Variants in FLT1 observed in about 807,000 individuals in gnomAD.
The protein encoded by FLT1 is fms related receptor tyrosine kinase 1.
A neutral mutation model predicts 156.3 loss-of-function variants in FLT1; 49 were observed. That is an observed-to-expected ratio of 0.31 (90% CI 0.25 to 0.40). The LOEUF (loss-of-function observed/expected upper bound fraction) is 0.40, where lower values mean the gene tolerates loss of function less well. Ranked by LOEUF, FLT1 falls within the 10% of genes least tolerant of loss-of-function variation. The pLI is 1.00. For missense variants in FLT1, 1,322 were observed against 1,637.2 expected (o/e 0.81, Z 3.32); for synonymous variants, 594 against 583.8 (o/e 1.02, Z -0.25).
intron 10 of FLT1, among the ~76,000 whole-genome samples, chr13:28,422,311 G>GT (rs1014719549): frequency 2.8e-4 from 19 of 66,748 alleles, no homozygotes; most frequent in Non-Finnish European, 4.4e-4. Flanking sequence ...TGTTACCTAA[G>GT]TTTTTTTCCC....
At chr13:28,359,027 A>G (rs1169270286) in intron 14 of FLT1, among the ~76,000 whole-genome samples, 1 of 152,236 alleles carries the variant, frequency 6.6e-6, no homozygotes, top group African/African-American at 2.4e-5. Context: ...AGGCCTGGCC[A>G]GACTATAGGC....
chr13:28,342,090 C>T (rs1359827900), intron 16 of FLT1, among the ~76,000 whole-genome samples: 1 of 152,092 alleles, frequency 6.6e-6, no homozygotes, highest in East Asian at 1.9e-4. Context: ...ACCATGTTGG[C>T]CAGGCTGGTC....
chr13:28,429,886 C>A (rs1340713088), intron 8 of FLT1, among the ~76,000 whole-genome samples, 164 bp downstream of exon 8: 1 of 152,182 alleles, frequency 6.6e-6, no homozygotes, highest in South Asian at 2.1e-4. Flanking sequence ...TTTCCCCAGC[C>A]CTTCTCACCT....
At chr13:28,467,724 T>A in intron 1 of FLT1, 107 bp from the exon 2 acceptor site, 1 of 642,772 alleles carries the variant, frequency 1.6e-6, no homozygotes, top group Non-Finnish European at 2.7e-6. Flanking sequence ...TATTTACATC[T>A]TTAATTTACT....
At chr13:28,482,030 ATCT>A (rs1264615617) in intron 1 of FLT1, among the ~76,000 whole-genome samples, 17 of 152,372 alleles carry the variant, frequency 1.1e-4, no homozygotes, top group South Asian at 2.1e-4. Flanking sequence ...TAAAATAAAA[ATCT>A]TCTACACATT....
In FLT1 at chr13:28,495,102, C is replaced by T. The variant is rs1166575454; in HGVS notation, c.-259G>A. 4.5e-6 allele frequency: 2 copies of T among 446,924 alleles called. No homozygotes were observed. Among genetic ancestry groups the T allele is most frequent in the African/African-American group, 2.1e-5 (1 of 48,376 alleles). 27.7% of individuals were successfully genotyped at this position (446,924 alleles called of 1,614,324 possible). Reference sequence around the variant, plus strand: ...AGCCGAGAGGAGTGTCCGCCTGGCGCGCTCCGAGCCTCCCGCGGACCTCGA... The same window carrying T: ...AGCCGAGAGGAGTGTCCGCCTGGCGTGCTCCGAGCCTCCCGCGGACCTCGA... On this transcript the variant is annotated 5_prime_UTR_variant, in exon 1 of 30. Transcript: ENST00000282397. This position sits in a 1 kb window ranked among gnomAD's most constrained non-coding sequence, Gnocchi z 4.1.
chr13:28,494,444 C>A (rs981938493), intron 1 of FLT1, among the ~76,000 whole-genome samples: 3 of 152,196 alleles, frequency 2.0e-5, no homozygotes, highest in African/African-American at 7.2e-5. Context: ...GCGTGCTGCT[C>A]CTAGTGCCCA....
At chr13:28,494,738 A>C in intron 1 of FLT1, 42 bp downstream of exon 1, 4 of 1,502,166 alleles carry the variant, frequency 2.7e-6, no homozygotes, top group Non-Finnish European at 3.6e-6. Flanking sequence ...CGGCCGCCCC[A>C]TCGCAGCCCG....
chr13:28,352,164 T>C (rs17086602), intron 15 of FLT1, among the ~76,000 whole-genome samples: 5,362 of 152,264 alleles, frequency 0.035, 290 homozygotes, highest in African/African-American at 0.12. Context: ...AGCAGGATGG[T>C]TGAACATGGC....
At chr13:28,378,140 C>T (rs1223506551) in intron 14 of FLT1, among the ~76,000 whole-genome samples, 5 of 151,500 alleles carry the variant, frequency 3.3e-5, no homozygotes, top group Non-Finnish European at 7.4e-5. Flanking sequence ...CCTTCGCCTC[C>T]CGGGTTCAAG....
In FLT1 at chr13:28,424,404, A is replaced by G. The variant is rs180762140; in HGVS notation, c.1436+2755T>C. Among the ~76,000 whole-genome samples the G allele has an allele frequency of 1.6e-3, 243 of 152,288 alleles. 2 individuals carry two copies. Among genetic ancestry groups the G allele is most frequent in the African/African-American group, 5.7e-3 (235 of 41,552 alleles). On this transcript the variant is annotated intron_variant, in intron 10 of 29. Transcript: ENST00000282397. ...AATTCTAGGCAAAACGAAAGCCACA[A>G]TATTACTCAGTCAAAACTTAGCTCG...
At chr13:28,485,375 C>T (rs1829640033) in intron 1 of FLT1, among the ~76,000 whole-genome samples, 1 of 152,084 alleles carries the variant, frequency 6.6e-6, no homozygotes, top group Non-Finnish European at 1.5e-5. Context: ...AGGCTGCTGC[C>T]CAGCATGCCT....
At chr13:28,334,270 A>G (rs1359908596) in intron 17 of FLT1, 141 bp from the exon 18 acceptor site, 2 of 746,340 alleles carry the variant, frequency 2.7e-6, no homozygotes, top group Non-Finnish European at 4.9e-6. Flanking sequence ...GAGACAAAGT[A>G]AGGGACTTAT....
chr13:28,406,769 T>C (rs1294849156), intron 10 of FLT1, among the ~76,000 whole-genome samples: 6 of 152,146 alleles, frequency 3.9e-5, no homozygotes, highest in Admixed American at 3.3e-4. Flanking sequence ...CTTCAGCCTG[T>C]AGCTGGGATT....
chr13:28,320,066 C>G, intron 23 of FLT1, among the ~76,000 whole-genome samples: 1 of 152,146 alleles, frequency 6.6e-6, no homozygotes, highest in Non-Finnish European at 1.5e-5. Flanking sequence ...AGTTAGTTTT[C>G]AAACATGTAG....
At chr13:28,386,336 A>G (rs958829006) in intron 13 of FLT1, 4 of 1,006,444 alleles carry the variant, frequency 4.0e-6, no homozygotes, top group Non-Finnish European at 4.8e-6. Flanking sequence ...CATAAATTTT[A>G]TAACATTGTT....
intron 1 of FLT1, among the ~76,000 whole-genome samples, chr13:28,484,838 A>T (rs1033856822): frequency 6.6e-6 from 1 of 151,468 alleles, no homozygotes; most frequent in East Asian, 1.9e-4. Context: ...GATCTTAGGG[A>T]AAGTATTTAA....
At chr13:28,460,717 T>C (rs1321327504) in intron 3 of FLT1, among the ~76,000 whole-genome samples, 13 of 123,086 alleles carry the variant, frequency 1.1e-4, no homozygotes, top group African/African-American at 4.1e-4. Flanking sequence ...ACCTAAATAA[T>C]AGATATGGTC....
chr13:28,353,839 G>A (rs923420705), intron 15 of FLT1, among the ~76,000 whole-genome samples: 13 of 152,114 alleles, frequency 8.5e-5, no homozygotes, highest in Non-Finnish European at 1.9e-4. Context: ...TTTAAAGAAG[G>A]TACTTTGACT....
Sources: allele counts gnomAD v4.1 joint callset (sites outside exome capture counted in the v4.1 genomes callset), GRCh38; gene constraint gnomAD v4.1.1; non-coding constraint Gnocchi (gnomAD v3.1); transcripts MANE v1.5; gene names NCBI Gene and HGNC (gene_info 2026-07-23, HGNC 2026-07-21).